Variants in KIAA1671 observed in about 807,000 individuals in gnomAD.
The protein encoded by KIAA1671 is uncharacterized protein KIAA1671.
In KIAA1671, 52 loss-of-function variants were observed where a neutral mutation model predicts 131.2. The observed-to-expected ratio is 0.40, with a 90% CI of 0.32 to 0.50. The LOEUF is 0.50. Among genes scored for constraint, KIAA1671 ranks in the 20% least tolerant of loss-of-function variants. The pLI is 0.73. For synonymous variants in KIAA1671, 1,003 were observed against 961.6 expected (o/e 1.04, Z -0.80); for missense variants, 2,360 against 2,364.2 (o/e 1.00, Z 0.04).
intron 6 of KIAA1671, among the ~76,000 whole-genome samples, chr22:25,082,812 G>A (rs1449437879): frequency 6.6e-6 from 1 of 152,144 alleles, no homozygotes; most frequent in Non-Finnish European, 1.5e-5. Flanking sequence ...CAGCCTGGGT[G>A]ACAGAGCAAG....
intron 1 of KIAA1671, among the ~76,000 whole-genome samples, chr22:24,977,865 A>C (rs925239683): frequency 7.2e-5 from 11 of 152,190 alleles, no homozygotes; most frequent in African/African-American, 2.7e-4. Flanking sequence ...CATACTCATA[A>C]GTGGCTTCTT....
intron 6 of KIAA1671, among the ~76,000 whole-genome samples, chr22:25,075,384 A>C (rs890011826): frequency 6.6e-6 from 1 of 152,144 alleles, no homozygotes; most frequent in Non-Finnish European, 1.5e-5. Flanking sequence ...TTTTGTCACG[A>C]ATGTTCTTTT....
intron 1 of KIAA1671, among the ~76,000 whole-genome samples, chr22:25,001,851 G>A (rs1924495729): frequency 6.6e-6 from 1 of 152,016 alleles, no homozygotes; most frequent in Admixed American, 6.6e-5. Flanking sequence ...GGGAGAACCT[G>A]CATTTATAGC....
intron 3 of KIAA1671, among the ~76,000 whole-genome samples, chr22:25,031,125 C>G (rs1926263252): frequency 6.6e-6 from 1 of 151,884 alleles, no homozygotes; most frequent in Non-Finnish European, 1.5e-5. Context: ...CTCCCGGGTT[C>G]AAGTGATTCT....
chr22:25,047,441 A>G (rs149405262), intron 5 of KIAA1671, among the ~76,000 whole-genome samples: 1 of 144,664 alleles, frequency 6.9e-6, no homozygotes, highest in Admixed American at 7.0e-5. Context: ...GTGAGCCGCC[A>G]CCACCACCAT....
intron 1 of KIAA1671, among the ~76,000 whole-genome samples, chr22:24,984,757 C>G (rs1490512764): frequency 6.6e-6 from 1 of 151,392 alleles, no homozygotes; most frequent in African/African-American, 2.4e-5. Flanking sequence ...ACTAAAAATG[C>G]AAAAAAATTA....
chr22:25,086,403 GAATA>G (rs1054384389), intron 6 of KIAA1671, among the ~76,000 whole-genome samples: 133 of 152,334 alleles, frequency 8.7e-4, no homozygotes, highest in African/African-American at 3.0e-3. Context: ...AATAGGTGCT[GAATA>G]AATAAATATG....
At chr22:25,180,826 C>T (rs1316018935) in intron 9 of KIAA1671, among the ~76,000 whole-genome samples, 2 of 152,228 alleles carry the variant, frequency 1.3e-5, no homozygotes, top group Non-Finnish European at 2.9e-5. Flanking sequence ...GGTGAGACCT[C>T]TCTGCACTTT....
At chr22:24,997,596 G>A (rs1334175193) in intron 1 of KIAA1671, among the ~76,000 whole-genome samples, 8 of 152,122 alleles carry the variant, frequency 5.3e-5, no homozygotes, top group Admixed American at 3.9e-4. Flanking sequence ...TGGTGCCCTG[G>A]GTGAGGGGCA....
rs1222101495 is a variant in KIAA1671, at chr22:25,040,509, G to A, written c.3379G>A (p.Val1127Met). 10 of 1,551,724 alleles carry A rather than the reference G, an allele frequency of 6.4e-6. No individual in the cohort carries two copies. The African/African-American group carries it at 9.6e-5, about 15-fold the overall frequency. ...CCCTTTCAATGGAAGAATCATTGAT[G>A]TGGATGCCTTATGGAGTCATCGGGG... ...LDPFNGRIID[V>M]DALWSHRGSE... Residue 1127 changes from valine (V) to methionine (M), a missense_variant, in exon 5 of 13, where the codon GTG becomes ATG. Coordinates refer to ENST00000358431, the MANE Select transcript of KIAA1671 (RefSeq NM_001145206.2).
At chr22:25,084,817 C>T (rs184819384) in intron 6 of KIAA1671, among the ~76,000 whole-genome samples, 1 of 152,320 alleles carries the variant, frequency 6.6e-6, no homozygotes, top group African/African-American at 2.4e-5. Context: ...TCTTCTTCAC[C>T]CATGTGTTTG....
At chr22:25,102,495 T>C (rs1930739147) in intron 6 of KIAA1671, 1 of 152,206 alleles carries the variant, frequency 6.6e-6, no homozygotes, top group Non-Finnish European at 1.5e-5. Context: ...CAGGCTGGAG[T>C]GCAGTGGTGC....
At chr22:25,020,501 T>C (rs1471082419) in intron 1 of KIAA1671, among the ~76,000 whole-genome samples, 1 of 152,216 alleles carries the variant, frequency 6.6e-6, no homozygotes, top group East Asian at 1.9e-4. Flanking sequence ...ATGCCCCTTA[T>C]GGTTCAGACT....
intron 1 of KIAA1671, among the ~76,000 whole-genome samples, chr22:24,953,497 C>G (rs756103165): frequency 4.6e-5 from 7 of 152,040 alleles, no homozygotes; most frequent in East Asian, 1.9e-4. Context: ...CCTGCGCCCC[C>G]CCTCCGCTCG....
chr22:24,955,056 C>T (rs1034895565), intron 1 of KIAA1671, among the ~76,000 whole-genome samples: 4 of 152,220 alleles, frequency 2.6e-5, no homozygotes, highest in African/African-American at 9.7e-5. Flanking sequence ...GCTAGGATTA[C>T]AGGCATGAGC....
At chr22:25,093,060 A>G (rs1930097543) in intron 6 of KIAA1671, among the ~76,000 whole-genome samples, 1 of 152,180 alleles carries the variant, frequency 6.6e-6, no homozygotes, top group Admixed American at 6.5e-5. Context: ...CCTGGGTTTA[A>G]GTCCAGCCGG....
intron 6 of KIAA1671, among the ~76,000 whole-genome samples, chr22:25,158,063 C>T (rs959176020): frequency 3.9e-5 from 6 of 152,162 alleles, no homozygotes; most frequent in African/African-American, 9.7e-5. Context: ...CCTTGTGATC[C>T]GCCTGCCTCG....
Position 25,040,423 on chromosome 22 carries a change from G to C in KIAA1671, c.3293G>C (p.Ser1098Thr), listed in dbSNP as rs939695016. The change falls in exon 5 of 13, where the codon AGC (serine) becomes ACC (threonine). Residue 1098 changes from serine to threonine, a missense_variant. By Grantham distance (58) the Ser-to-Thr change is moderately conservative. This residue lies in a region of KIAA1671 where 1,161 missense variants were observed against 1,204.7 expected (regional missense o/e 0.96). Coordinates refer to ENST00000358431, the MANE Select transcript of KIAA1671 (RefSeq NM_001145206.2). Reference protein sequence around the residue: ...WMKGREHENASILKTLKPTDR... With the variant: ...WMKGREHENATILKTLKPTDR... ...AAGGGACGAGAGCATGAAAATGCAA[G>C]CATTTTAAAAACTCTGAAGCCAACA... is the stretch of plus-strand genomic sequence containing the variant. 1 of 1,551,900 alleles carries C rather than the reference G, an allele frequency of 6.4e-7. No individual in the cohort carries two copies. The highest frequency in any genetic ancestry group is 2.0e-5 in the Admixed American group (1 of 50,990).
intron 1 of KIAA1671, among the ~76,000 whole-genome samples, chr22:24,982,712 C>T (rs1320711768): frequency 1.3e-5 from 2 of 152,198 alleles, no homozygotes; most frequent in African/African-American, 4.8e-5. Flanking sequence ...TCCAGGGTCA[C>T]TGAGCTGGGA....
Sources: allele counts gnomAD v4.1 joint callset (sites outside exome capture counted in the v4.1 genomes callset), GRCh38; gene constraint gnomAD v4.1.1; regional missense constraint gnomAD v4.1.1; transcripts MANE v1.5; gene names NCBI Gene and HGNC (gene_info 2026-07-23, HGNC 2026-07-21).